The following UBR4 variants were observed in gnomAD, a reference collection of about 807,000 sequenced individuals.
The protein encoded by UBR4 is E3 ubiquitin-protein ligase UBR4.
UBR4 carries 124 observed loss-of-function variants against 575.6 expected under a neutral mutation model. The ratio of observed to expected loss-of-function variants is 0.22; its 90% CI spans 0.19 to 0.25. The LOEUF (loss-of-function observed/expected upper bound fraction) is 0.25. Among genes scored for constraint, UBR4 ranks in the 10% least tolerant of loss-of-function variants. The pLI, the probability that UBR4 is intolerant of heterozygous loss-of-function variation, is 1.00. For missense variants in UBR4, 4,818 were observed against 6,478.8 expected, an observed-to-expected ratio of 0.74 and a Z score of 8.80; for synonymous variants, 2,455 against 2,473.7, an observed-to-expected ratio of 0.99 and a Z score of 0.22.
intron 90 of UBR4, 87 bp from the exon 91 acceptor site, chr1:19,097,367 A>T: frequency 1.9e-6 from 2 of 1,080,508 alleles, no homozygotes. Flanking sequence ...TTAAAGCCCC[A>T]GCAATGTGGA....
chr1:19,079,688 T>A (rs1319105169), intron 103 of UBR4: 3 of 152,334 alleles, frequency 2.0e-5, no homozygotes, highest in Non-Finnish European at 4.4e-5. Flanking sequence ...TACACGCCCT[T>A]CCAGCCGCGG....
intron 59 of UBR4, 115 bp downstream of exon 59, chr1:19,138,968 C>A (rs2083508641): frequency 7.8e-7 from 1 of 1,287,206 alleles, no homozygotes; most frequent in South Asian, 2.4e-5. Context: ...ACAAGACTTT[C>A]AATGAGTCTC....
intron 55 of UBR4, among the ~76,000 whole-genome samples, chr1:19,142,141 G>T (rs2084016328): frequency 6.6e-6 from 1 of 152,218 alleles, no homozygotes; most frequent in Admixed American, 6.5e-5. Flanking sequence ...AAAATCATAT[G>T]ATTGGGATCT....
In UBR4 at chr1:19,192,360, A is replaced by G. The variant is rs756552689; in HGVS notation, c.1222T>C (p.Leu408=). Residue 408 remains leucine (L), a synonymous_variant, in exon 11 of 106, where the codon TTG becomes CTG. Transcript: ENST00000375254. ...TTTAACAAGCACCAAGCACCCAGCA[A>G]TTGGAAATTCTGATAGTGCTGTTGT... The part of the protein sequence containing the change: ...AGGEHYQNFQ[L]LGAWCLLNSL... 58 of 1,614,060 alleles carry G rather than the reference A, an allele frequency of 3.6e-5. No individual in the cohort carries two copies. The highest frequency in any genetic ancestry group is 4.7e-5 in the Non-Finnish European group (56 of 1,180,026).
intron 77 of UBR4, 133 bp from the exon 78 acceptor site, chr1:19,113,000 G>T: frequency 2.2e-6 from 2 of 894,662 alleles, no homozygotes; most frequent in Non-Finnish European, 1.6e-6. Context: ...TAACCCAACT[G>T]GTTAGATGCT....
intron 1 of UBR4, 123 bp downstream of exon 1, chr1:19,209,949 AG>A: frequency 2.2e-6 from 3 of 1,339,450 alleles, no homozygotes; most frequent in Non-Finnish European, 2.9e-6. Context: ...GGGACCCCGA[AG>A]CCGTGGCTGT....
Position 19,093,805 on chromosome 1 carries a change from C to A in UBR4, c.13937+144G>T. ...TACAGTATATTTTAACTATTCACTT[C>A]CCAACTAGACTGAGCTCCTTAAAAG... On this transcript the variant is annotated intron_variant, in intron 95 of 105. Coordinates refer to ENST00000375254, the MANE Select transcript of UBR4 (RefSeq NM_020765.3). The surrounding 1 kb of genome is among the most constrained non-coding windows in gnomAD (Gnocchi z 4.8). The A allele has an allele frequency of 2.0e-6, 2 of 979,174 alleles. No homozygotes were observed. The highest frequency in any genetic ancestry group is 3.5e-5 in the South Asian group (2 of 56,888). The allele number at this position is 979,174 out of a possible 1,614,324, so 60.7% of individuals were successfully genotyped here.
intron 7 of UBR4, 82 bp downstream of exon 7, chr1:19,197,588 C>G: frequency 1.3e-6 from 2 of 1,551,216 alleles, no homozygotes; most frequent in Non-Finnish European, 1.7e-6. Flanking sequence ...GACTGCACCC[C>G]TGCACTCCAG....
At chr1:19,140,054 C>T (rs1248065567) in intron 58 of UBR4, among the ~76,000 whole-genome samples, 1 of 151,972 alleles carries the variant, frequency 6.6e-6, no homozygotes, top group Non-Finnish European at 1.5e-5. Context: ...TGGGGCCAGC[C>T]GCTCTCTCCC....
chr1:19,187,832 G>A (rs2091691671), intron 11 of UBR4, among the ~76,000 whole-genome samples: 1 of 152,038 alleles, frequency 6.6e-6, no homozygotes, highest in African/African-American at 2.4e-5. Flanking sequence ...GAGAGGCCGA[G>A]ATGAGAGGAT....
chr1:19,178,207 CATG>C (rs2090486371), intron 18 of UBR4, among the ~76,000 whole-genome samples: 1 of 152,122 alleles, frequency 6.6e-6, no homozygotes, highest in East Asian at 1.9e-4. Context: ...AAAATCACTG[CATG>C]ATAATAGTCA....
Position 19,089,014 on chromosome 1 carries a change from T to C in UBR4, c.14212-37A>G, listed in dbSNP as rs776152766. The C allele has an allele frequency of 1.9e-6, 3 of 1,601,492 alleles. No individual in the cohort carries two copies. The highest frequency in any genetic ancestry group is 2.6e-6 in the Non-Finnish European group (3 of 1,170,594). ...AGACCAGAGAGACACATGCCTCCAA[T>C]TATGTAGACAAACCTTCTTCCCGGG... On this transcript the variant is annotated intron_variant, in intron 97 of 105. Coordinates refer to ENST00000375254, the MANE Select transcript of UBR4 (RefSeq NM_020765.3). The surrounding 1 kb of genome is among the most constrained non-coding windows in gnomAD (Gnocchi z 4.3).
At chr1:19,172,709 A>C (rs1342254143) in intron 25 of UBR4, among the ~76,000 whole-genome samples, 155 bp downstream of exon 25, 1 of 152,132 alleles carries the variant, frequency 6.6e-6, no homozygotes. Context: ...AAATTTCCTC[A>C]TCAAGCACCC....
intron 89 of UBR4, chr1:19,099,994 C>T (rs2078456054): frequency 2.3e-6 from 1 of 433,576 alleles, no homozygotes; most frequent in Non-Finnish European, 4.1e-6. Flanking sequence ...CAACGGTCTG[C>T]CAGAAAGTAA....
In UBR4 at chr1:19,185,125, G is replaced by T. The variant is rs1278401506; in HGVS notation, c.1912C>A (p.Leu638Met). 2 of 1,613,992 alleles carry T rather than the reference G, an allele frequency of 1.2e-6. No homozygotes were observed. The highest frequency in any genetic ancestry group is 1.7e-6 in the Non-Finnish European group (2 of 1,180,024). The change falls in exon 15 of 106, where the codon CTG becomes ATG. Residue 638 changes from leucine (L) to methionine (M), a missense_variant. This residue lies in a region of UBR4 where 1,172 missense variants were observed against 1,259.7 expected (regional missense o/e 0.93). Transcript: ENST00000375254. ...KQAPGEKGNI[L>M]ASRKDPELFL... ...AACTCAGGATCTTTGCGACTCGCCA[G>T]AATGTTGCCCTTCTCACCAGGGGCC...
chr1:19,080,713 A>G (rs2076408202), intron 103 of UBR4: 1 of 152,358 alleles, frequency 6.6e-6, no homozygotes, highest in Non-Finnish European at 1.5e-5. Flanking sequence ...TCCTCTGCGC[A>G]CAGCAATCCA....
At chr1:19,137,924 C>A (rs1407400361) in intron 60 of UBR4, 83 bp downstream of exon 60, 4 of 1,310,410 alleles carry the variant, frequency 3.1e-6, no homozygotes, top group Non-Finnish European at 4.0e-6. Context: ...CACTACTCTA[C>A]CTCCTGCAAT....
At chr1:19,145,137 T>C (rs2084665540) in intron 53 of UBR4, among the ~76,000 whole-genome samples, 1 of 152,202 alleles carries the variant, frequency 6.6e-6, no homozygotes, top group South Asian at 2.1e-4. Flanking sequence ...TCCAGATATC[T>C]TGAGTCACAG....
intron 38 of UBR4, among the ~76,000 whole-genome samples, 165 bp downstream of exon 38, chr1:19,160,752 A>C (rs1300611133): frequency 6.6e-6 from 1 of 152,216 alleles, no homozygotes; most frequent in African/African-American, 2.4e-5. Context: ...CTCAGTCATA[A>C]ATCCTTCCCT....
Sources: gnomAD v4.1 joint callset for allele counts (sites outside exome capture counted in the v4.1 genomes callset) on GRCh38, gnomAD v4.1.1 for gene constraint, gnomAD v4.1.1 regional missense constraint, Gnocchi (gnomAD v3.1) non-coding constraint, MANE v1.5 for transcripts, NCBI Gene and HGNC (gene_info 2026-07-23, HGNC 2026-07-21) for gene names.